The following CFAP299 variants were observed in gnomAD, a reference collection of about 807,000 sequenced individuals.
The protein encoded by CFAP299 is cilia and flagella associated protein 299.
A neutral mutation model predicts 27.0 loss-of-function variants in CFAP299; 21 were observed. That is an observed-to-expected ratio of 0.78 (90% CI 0.55 to 1.12). CFAP299 has a LOEUF of 1.12. Among genes scored for constraint, CFAP299 ranks in the 50% most tolerant of loss-of-function variants. CFAP299 has a pLI of 0.00. For missense variants in CFAP299, 310 were observed against 276.6 expected, an observed-to-expected ratio of 1.12 and a Z score of -0.86; for synonymous variants, 104 against 98.1, an observed-to-expected ratio of 1.06 and a Z score of -0.36.
chr4:80,591,043 T>C (rs1294432266), intron 3 of CFAP299, among the ~76,000 whole-genome samples: 3 of 151,492 alleles, frequency 2.0e-5, no homozygotes, highest in Non-Finnish European at 4.4e-5. Flanking sequence ...TAATTTACTT[T>C]ATGTTTGAAA....
At chr4:80,504,686 T>TA (rs893375570) in intron 2 of CFAP299, among the ~76,000 whole-genome samples, 3 of 146,852 alleles carry the variant, frequency 2.0e-5, no homozygotes, top group African/African-American at 2.5e-5. Context: ...AATGGGGGAT[T>TA]AAAAAAAACA....
chr4:80,455,978 G>C (rs936216735), intron 2 of CFAP299, among the ~76,000 whole-genome samples: 5 of 152,038 alleles, frequency 3.3e-5, no homozygotes, highest in African/African-American at 1.2e-4. Flanking sequence ...TATGATAGAT[G>C]GTCATAAATT....
intron 3 of CFAP299, among the ~76,000 whole-genome samples, chr4:80,640,545 C>T (rs1036599300): frequency 7.9e-5 from 12 of 152,116 alleles, no homozygotes; most frequent in Non-Finnish European, 7.4e-5. Context: ...TAGTACCAGC[C>T]CCAAATTCCT....
At chr4:80,717,210 G>T (rs988854302) in intron 3 of CFAP299, among the ~76,000 whole-genome samples, 11 of 152,058 alleles carry the variant, frequency 7.2e-5, no homozygotes, top group African/African-American at 2.7e-4. Flanking sequence ...GGTAAACTAA[G>T]GTGGGGTGGT....
At chr4:80,552,028 C>T (rs1402935540) in intron 2 of CFAP299, among the ~76,000 whole-genome samples, 1 of 152,118 alleles carries the variant, frequency 6.6e-6, no homozygotes, top group Admixed American at 6.5e-5. Flanking sequence ...GGATTACAGG[C>T]GTGAGCCACC....
intron 2 of CFAP299, among the ~76,000 whole-genome samples, chr4:80,401,007 C>G (rs1287960643): frequency 1.3e-5 from 2 of 152,156 alleles, no homozygotes; most frequent in Admixed American, 6.5e-5. Flanking sequence ...TGCCCCTGCC[C>G]TAGACATTTG....
chr4:80,769,078 G>C (rs1013052645), intron 3 of CFAP299, among the ~76,000 whole-genome samples: 2 of 152,082 alleles, frequency 1.3e-5, no homozygotes, highest in Non-Finnish European at 2.9e-5. Flanking sequence ...AATGTACTTA[G>C]GTTAAATCTT....
chr4:80,551,712 T>C lies in CFAP299; in HGVS notation c.243-31381T>C, dbSNP rs1251657207. On this transcript the variant is annotated intron_variant, in intron 2 of 5. Coordinates refer to ENST00000358105, the MANE Select transcript of CFAP299 (RefSeq NM_152770.3). Reference sequence around the variant, plus strand: ...TTTCTTCATATGACTAAGACTTTAATTTTTGTGTATAAAAGCTTTCCATGT... The same window carrying C: ...TTTCTTCATATGACTAAGACTTTAACTTTTGTGTATAAAAGCTTTCCATGT... Among the ~76,000 whole-genome samples, 4 of 152,194 alleles carry C rather than the reference T, an allele frequency of 2.6e-5. No individual in the cohort carries two copies. In the East Asian group the frequency reaches 7.7e-4, roughly 29 times the overall value.
chr4:80,781,326 A>G (rs1255893025), intron 3 of CFAP299, among the ~76,000 whole-genome samples: 1 of 152,136 alleles, frequency 6.6e-6, no homozygotes, highest in Non-Finnish European at 1.5e-5. Flanking sequence ...TTAAAGTGAC[A>G]CTTCAAAAAA....
chr4:80,832,254 C>A (rs758948112), intron 3 of CFAP299, among the ~76,000 whole-genome samples: 8 of 152,164 alleles, frequency 5.3e-5, no homozygotes, highest in South Asian at 2.1e-4. Flanking sequence ...ATACGGTAGT[C>A]TGTGATGTGC....
At chr4:80,589,748 G>A (rs1736628420) in intron 3 of CFAP299, among the ~76,000 whole-genome samples, 1 of 152,136 alleles carries the variant, frequency 6.6e-6, no homozygotes, top group African/African-American at 2.4e-5. Context: ...AAAATGAGCT[G>A]TATTTCATAC....
chr4:80,550,650 A>G (rs1734459037), intron 2 of CFAP299, among the ~76,000 whole-genome samples: 1 of 151,944 alleles, frequency 6.6e-6, no homozygotes, highest in Non-Finnish European at 1.5e-5. Context: ...CCACCATTTT[A>G]ATCCTGATGT....
chr4:80,749,617 C>G (rs547195243), intron 3 of CFAP299, among the ~76,000 whole-genome samples: 2 of 152,282 alleles, frequency 1.3e-5, no homozygotes, highest in East Asian at 3.9e-4. Context: ...GTGCCAAGAG[C>G]CACTGGCAAA....
chr4:80,646,994 T>A (rs1560675737), intron 3 of CFAP299, among the ~76,000 whole-genome samples: 1 of 26,004 alleles, frequency 3.8e-5, no homozygotes, highest in Non-Finnish European at 2.0e-4. Flanking sequence ...AGAGAGTGTG[T>A]GTGTGTGTGT....
At chr4:80,601,940 G>T (rs996531999) in intron 3 of CFAP299, among the ~76,000 whole-genome samples, 21 of 152,142 alleles carry the variant, frequency 1.4e-4, no homozygotes, top group African/African-American at 5.1e-4. Flanking sequence ...GACCATTATT[G>T]TTAGAAAACT....
chr4:80,727,709 G>C (rs1246470930), intron 3 of CFAP299, among the ~76,000 whole-genome samples: 1 of 151,910 alleles, frequency 6.6e-6, no homozygotes, highest in Non-Finnish European at 1.5e-5. Context: ...TGTTTTCATA[G>C]CTAATTATTA....
intron 3 of CFAP299, among the ~76,000 whole-genome samples, chr4:80,836,671 A>AT (rs1730577444): frequency 6.6e-6 from 1 of 152,054 alleles, no homozygotes; most frequent in African/African-American, 2.4e-5. Context: ...CTTTAAGCAC[A>AT]TTTTCAGAAT....
chr4:80,808,082 TA>T (rs1048325338), intron 3 of CFAP299, among the ~76,000 whole-genome samples: 3 of 152,026 alleles, frequency 2.0e-5, no homozygotes, highest in Non-Finnish European at 2.9e-5. Context: ...TACAGAACCT[TA>T]AAAAGTTAAA....
At chr4:80,919,198 T>G (rs974858699) in intron 4 of CFAP299, among the ~76,000 whole-genome samples, 3 of 152,128 alleles carry the variant, frequency 2.0e-5, no homozygotes, top group Admixed American at 6.6e-5. Context: ...ATGCTGCAAG[T>G]TGAGCAAATT....
Sources: allele counts gnomAD v4.1 joint callset (sites outside exome capture counted in the v4.1 genomes callset), GRCh38; gene constraint gnomAD v4.1.1; transcripts MANE v1.5; gene names NCBI Gene and HGNC (gene_info 2026-07-23, HGNC 2026-07-21).